The following NPFFR2 variants were observed in gnomAD, a reference collection of about 807,000 sequenced individuals.
NPFFR2 encodes the protein neuropeptide FF receptor 2.
NPFFR2 carries 15 observed loss-of-function variants against 13.1 expected under a neutral mutation model. That is an observed-to-expected ratio of 1.15 (90% confidence interval 0.77 to 1.76). The LOEUF (loss-of-function observed/expected upper bound fraction) is 1.76. Among genes scored for constraint, NPFFR2 ranks in the 40% most tolerant of loss-of-function variants. The probability of loss-of-function intolerance (pLI) is 0.00; values close to 1 mark genes in which losing one functional copy is unlikely to be tolerated. For synonymous variants in NPFFR2, 190 were observed against 175.7 expected, an observed-to-expected ratio of 1.08 and a Z score of -0.65; for missense variants, 572 against 503.5, an observed-to-expected ratio of 1.14 and a Z score of -1.30.
At chr4:72,135,630 A>C (rs1415510303) in intron 2 of NPFFR2, among the ~76,000 whole-genome samples, 1 of 152,016 alleles carries the variant, frequency 6.6e-6, no homozygotes, top group Non-Finnish European at 1.5e-5. Flanking sequence ...TTCACGGACA[A>C]AGTGCATTAT....
intron 2 of NPFFR2, among the ~76,000 whole-genome samples, chr4:72,134,513 T>A (rs1685309362): frequency 6.6e-6 from 1 of 152,186 alleles, no homozygotes; most frequent in Non-Finnish European, 1.5e-5. Flanking sequence ...TATCACAATT[T>A]TTGTTTGAAT....
At chr4:72,069,773 T>A (rs1720191004) in intron 1 of NPFFR2, among the ~76,000 whole-genome samples, 2 of 152,124 alleles carry the variant, frequency 1.3e-5, no homozygotes, top group South Asian at 4.1e-4. Context: ...TAAATTTAAA[T>A]GGCAAATAAA....
At chr4:72,096,415 T>C (rs971577903) in intron 1 of NPFFR2, among the ~76,000 whole-genome samples, 1 of 152,178 alleles carries the variant, frequency 6.6e-6, no homozygotes, top group Non-Finnish European at 1.5e-5. Context: ...ATAAATGCTG[T>C]TGAATTAATG....
chr4:72,099,624 G>A (rs1238367208), intron 1 of NPFFR2, among the ~76,000 whole-genome samples: 2 of 152,000 alleles, frequency 1.3e-5, no homozygotes, highest in African/African-American at 4.8e-5. Context: ...GATCTCATGT[G>A]AACTCACTAT....
chr4:72,122,814 T>C (rs550978974), intron 1 of NPFFR2, among the ~76,000 whole-genome samples: 1 of 152,278 alleles, frequency 6.6e-6, no homozygotes, highest in African/African-American at 2.4e-5. Context: ...AGATCTAAAA[T>C]TGACACCCTA....
intron 1 of NPFFR2, among the ~76,000 whole-genome samples, chr4:72,116,816 A>G (rs779238238): frequency 1.3e-5 from 2 of 152,110 alleles, no homozygotes; most frequent in Non-Finnish European, 2.9e-5. Flanking sequence ...TGCCTCATTT[A>G]CTGTACTTCT....
intron 2 of NPFFR2, among the ~76,000 whole-genome samples, chr4:72,135,017 T>TGTG (rs1722365496): frequency 6.6e-6 from 1 of 152,258 alleles, no homozygotes; most frequent in Non-Finnish European, 1.5e-5. Flanking sequence ...CCCTCACACT[T>TGTG]AATTAGTTAG....
chr4:72,129,224 T>C (rs752243039), intron 2 of NPFFR2, among the ~76,000 whole-genome samples: 19 of 152,116 alleles, frequency 1.2e-4, no homozygotes, highest in Non-Finnish European at 2.5e-4. Context: ...ATTTATTATG[T>C]GTAGGGGTGG....
At chr4:72,139,501 T>C (rs919369989) in intron 3 of NPFFR2, among the ~76,000 whole-genome samples, 8 of 152,182 alleles carry the variant, frequency 5.3e-5, no homozygotes, top group African/African-American at 1.9e-4. Context: ...CCCAGCACCG[T>C]TTATTAAATG....
intron 1 of NPFFR2, among the ~76,000 whole-genome samples, chr4:72,065,314 A>G (rs1482295213): frequency 6.6e-6 from 1 of 152,194 alleles, no homozygotes; most frequent in African/African-American, 2.4e-5. Context: ...ATCAGAGACC[A>G]AAAGGAATGC....
At chr4:72,106,365 CAT>C (rs777029471) in intron 1 of NPFFR2, among the ~76,000 whole-genome samples, 1 of 151,986 alleles carries the variant, frequency 6.6e-6, no homozygotes, top group African/African-American at 2.4e-5. Context: ...ATGAGCGACA[CAT>C]GTGAGTGAGA....
At chr4:72,077,859 A>G (rs1286679926) in intron 1 of NPFFR2, among the ~76,000 whole-genome samples, 1 of 152,110 alleles carries the variant, frequency 6.6e-6, no homozygotes, top group Non-Finnish European at 1.5e-5. Flanking sequence ...TGTAAAAAAT[A>G]GATTTGCCTC....
intron 1 of NPFFR2, among the ~76,000 whole-genome samples, chr4:72,035,873 T>C (rs950080454): frequency 3.3e-5 from 5 of 152,046 alleles, no homozygotes; most frequent in Admixed American, 6.6e-5. Context: ...GGAGTCTGGG[T>C]TCCATGTGGC....
chr4:72,038,637 A>C (rs962109779), intron 1 of NPFFR2, among the ~76,000 whole-genome samples: 7 of 152,088 alleles, frequency 4.6e-5, no homozygotes, highest in Non-Finnish European at 8.8e-5. Flanking sequence ...ATTTTAATAT[A>C]CATTCAGGTT....
intron 1 of NPFFR2, among the ~76,000 whole-genome samples, chr4:72,061,041 A>C (rs935293637): frequency 3.3e-5 from 5 of 152,164 alleles, no homozygotes; most frequent in Non-Finnish European, 5.9e-5. Context: ...AAAGCATTAG[A>C]AATATTGGAG....
intron 1 of NPFFR2, among the ~76,000 whole-genome samples, chr4:72,065,081 GT>G: frequency 6.7e-6 from 1 of 150,142 alleles, no homozygotes; most frequent in East Asian, 2.0e-4. Flanking sequence ...ACCAGCACTG[GT>G]TGCTCAGAGA....
At chr4:72,080,476 CT>C (rs1720583436) in intron 1 of NPFFR2, among the ~76,000 whole-genome samples, 1 of 152,102 alleles carries the variant, frequency 6.6e-6, no homozygotes, top group Non-Finnish European at 1.5e-5. Context: ...CTAAATATTT[CT>C]AAGAGAAGTG....
At chr4:72,116,884 T>C (rs1034453811) in intron 1 of NPFFR2, among the ~76,000 whole-genome samples, 4 of 152,142 alleles carry the variant, frequency 2.6e-5, no homozygotes, top group Admixed American at 2.0e-4. Context: ...TCCACCCAAC[T>C]GGACAGTTTC....
At chr4:72,091,300 G>A (rs955059033) in intron 1 of NPFFR2, among the ~76,000 whole-genome samples, 3 of 151,740 alleles carry the variant, frequency 2.0e-5, no homozygotes, top group African/African-American at 7.3e-5. Flanking sequence ...TTTTCTTTTT[G>A]TATTATTCTT....
Sources: allele counts gnomAD v4.1 joint callset (sites outside exome capture counted in the v4.1 genomes callset), GRCh38; gene constraint gnomAD v4.1.1; transcripts MANE v1.5; gene names NCBI Gene and HGNC (gene_info 2026-07-23, HGNC 2026-07-21).